The following RABGAP1 variants were observed in gnomAD, a reference collection of about 807,000 sequenced individuals.
RABGAP1 encodes the protein rab GTPase-activating protein 1.
In RABGAP1, 23 loss-of-function variants were observed where a neutral mutation model predicts 137.6. That is an observed-to-expected ratio of 0.17 (90% confidence interval 0.12 to 0.24). The LOEUF (loss-of-function observed/expected upper bound fraction) is 0.24, where lower values mean the gene tolerates loss of function less well. Among genes scored for constraint, RABGAP1 ranks in the 10% least tolerant of loss-of-function variants. The probability of loss-of-function intolerance (pLI) is 1.00; values close to 1 mark genes in which losing one functional copy is unlikely to be tolerated. For missense variants in RABGAP1, 906 were observed against 1,275.8 expected (o/e 0.71, Z 4.42); for synonymous variants, 451 against 450.7 (o/e 1.00, Z -0.01).
At chr9:122,938,817 A>C (rs1333121154), upstream of RABGAP1, 1 of 152,248 alleles carries the variant, frequency 6.6e-6, no homozygotes, top group Non-Finnish European at 1.5e-5. Context: ...TTCAAATATA[A>C]CTTTCTTGTT....
chr9:123,033,889 A>G (rs1482806714), intron 13 of RABGAP1: 1 of 152,242 alleles, frequency 6.6e-6, no homozygotes, highest in East Asian at 1.9e-4. Flanking sequence ...CCTAAATATT[A>G]TAAGCAAATT....
At chr9:123,052,407 T>C (rs1257401948) in intron 13 of RABGAP1, among the ~76,000 whole-genome samples, 2 of 152,246 alleles carry the variant, frequency 1.3e-5, no homozygotes, top group African/African-American at 4.8e-5. Flanking sequence ...AGAAAATTTC[T>C]TTTAGATCTT....
chr9:122,955,112 T>G (rs1376351730), intron 1 of RABGAP1, among the ~76,000 whole-genome samples: 2 of 152,126 alleles, frequency 1.3e-5, no homozygotes. Context: ...TTGGAGTTGA[T>G]CAAGTACAAA....
chr9:122,961,495 G>C (rs1050886024), intron 2 of RABGAP1, among the ~76,000 whole-genome samples: 3 of 152,226 alleles, frequency 2.0e-5, no homozygotes, highest in African/African-American at 7.2e-5. Flanking sequence ...AGAATTTGCT[G>C]TTGGCAGACC....
At chr9:122,988,243 A>G (rs191058704) in intron 4 of RABGAP1, among the ~76,000 whole-genome samples, 2 of 152,318 alleles carry the variant, frequency 1.3e-5, no homozygotes, top group East Asian at 1.9e-4. Context: ...AGTGCTTTCA[A>G]ACCTGTGTTA....
At chr9:123,054,133 C>T (rs1274889344) in intron 13 of RABGAP1, among the ~76,000 whole-genome samples, 1 of 152,144 alleles carries the variant, frequency 6.6e-6, no homozygotes, top group African/African-American at 2.4e-5. Flanking sequence ...TTAGGAGAGC[C>T]TTCAAATTTA....
chr9:123,019,686 T>TTTTG (rs34983095), intron 12 of RABGAP1, among the ~76,000 whole-genome samples: 112,330 of 150,028 alleles, frequency 0.75, 44,021 homozygotes, highest in Non-Finnish European at 0.88. Context: ...TTTGCTCTTT[T>TTTTG]TTTGTTTGTT....
rs772129752 is a variant in RABGAP1, at chr9:123,035,565, C to T, written c.1794+15106C>T. On this transcript the variant is annotated intron_variant, in intron 13 of 25. Coordinates refer to ENST00000373647, the MANE Select transcript of RABGAP1 (RefSeq NM_012197.4). ...CTTGTGCAAGTCAGACTACAGCCAA[C>T]GACCCTTACACAGTTAGAAGCAAAG... is the stretch of plus-strand genomic sequence containing the variant. 71 of 1,611,974 alleles carry T rather than the reference C, an allele frequency of 4.4e-5. No individual in the cohort carries two copies. In the East Asian group the frequency reaches 8.9e-4, roughly 20 times the overall value.
At chr9:122,987,497 C>A (rs753200812) in intron 4 of RABGAP1, among the ~76,000 whole-genome samples, 1 of 151,974 alleles carries the variant, frequency 6.6e-6, no homozygotes, top group Non-Finnish European at 1.5e-5. Context: ...TAATTTACAA[C>A]TGTTAGAATC....
chr9:123,021,330 CT>C lies in RABGAP1; in HGVS notation c.1794+890del, dbSNP rs397944903. On this transcript the variant is annotated intron_variant, in intron 13 of 25. Transcript: ENST00000373647. Reference sequence around the variant, plus strand: ...AAAAACCTTATAAGGGAAGAGCAGGCTTTTTTTTTTTTTTTTTTTGAAATAG... The same window carrying C: ...AAAAACCTTATAAGGGAAGAGCAGGCTTTTTTTTTTTTTTTTTTGAAATAG... 1.9e-3 allele frequency among the ~76,000 whole-genome samples: 218 copies of C among 111,932 alleles called. 2 individuals carry two copies. Among genetic ancestry groups the C allele is most frequent in the East Asian group, 6.1e-3 (24 of 3,948 alleles). 73.4% of individuals were successfully genotyped at this position (111,932 alleles called of 152,430 possible).
chr9:122,938,957 G>A (rs1369401730), upstream of RABGAP1: 1 of 151,988 alleles, frequency 6.6e-6, no homozygotes, highest in Non-Finnish European at 1.5e-5. Context: ...TTTTTTTTAA[G>A]TGCCATAATT....
rs1836594824 is a variant in RABGAP1 at position 122,990,132 on chromosome 9, C to T, written c.842C>T (p.Ala281Val). 1.9e-6 allele frequency: 3 copies of T among 1,610,838 alleles called. No homozygotes were observed. Among genetic ancestry groups the T allele is most frequent in the Non-Finnish European group, 2.5e-6 (3 of 1,177,020 alleles). ...CAGACCCCACTTTCAGCCACTGCTG[C>T]ACCCCAGACTCCTGACAGTGACATC... Reference protein sequence around the residue: ...AKQTPLSATAAPQTPDSDIFT... With the variant: ...AKQTPLSATAVPQTPDSDIFT... The change falls in exon 6 of 26, where the codon GCA becomes GTA. Residue 281 changes from alanine to valine, a missense_variant. Ala to Val is a moderately conservative substitution (Grantham distance 64). This residue lies in a region of RABGAP1 where 331 missense variants were observed against 358.3 expected (regional missense o/e 0.92). Transcript: ENST00000373647.
intron 13 of RABGAP1, among the ~76,000 whole-genome samples, chr9:123,026,959 C>T (rs1449985285): frequency 6.6e-6 from 1 of 152,092 alleles, no homozygotes; most frequent in Non-Finnish European, 1.5e-5. Flanking sequence ...TCCTTCCATC[C>T]ACTTGGCCTT....
At chr9:122,971,760 T>A (rs1835483553) in intron 2 of RABGAP1, 1 of 152,104 alleles carries the variant, frequency 6.6e-6, no homozygotes, top group Admixed American at 6.5e-5. Flanking sequence ...TCTGAAGAAA[T>A]TATCCAGAAG....
chr9:122,986,490 A>G (rs772742726), intron 4 of RABGAP1, 71 bp downstream of exon 4: 58 of 1,461,848 alleles, frequency 4.0e-5, no homozygotes, highest in Admixed American at 1.1e-4. Flanking sequence ...GAAAGAAGCA[A>G]TAGTGAATAA....
intron 1 of RABGAP1, among the ~76,000 whole-genome samples, chr9:122,950,639 G>A (rs1834195511): frequency 6.6e-6 from 1 of 152,172 alleles, no homozygotes; most frequent in African/African-American, 2.4e-5. Flanking sequence ...CTGTAAGCCT[G>A]TCAAAGGTAA....
At chr9:122,991,809 T>C (rs1836739210) in intron 6 of RABGAP1, among the ~76,000 whole-genome samples, 1 of 151,886 alleles carries the variant, frequency 6.6e-6, no homozygotes, top group African/African-American at 2.4e-5. Flanking sequence ...TCTTGCCACA[T>C]TGCCCAGGTT....
intron 6 of RABGAP1, among the ~76,000 whole-genome samples, chr9:122,992,979 T>C (rs956163000): frequency 2.6e-5 from 4 of 151,672 alleles, no homozygotes; most frequent in Non-Finnish European, 4.4e-5. Context: ...TTCTGTAATA[T>C]GTATGGAAAT....
intron 10 of RABGAP1, among the ~76,000 whole-genome samples, chr9:123,005,380 G>A (rs1262747071): frequency 6.7e-6 from 1 of 149,680 alleles, no homozygotes; most frequent in Non-Finnish European, 1.5e-5. Flanking sequence ...GCTTCCATTT[G>A]TATCTCCTTA....
Sources: gnomAD v4.1 joint callset for allele counts (sites outside exome capture counted in the v4.1 genomes callset) on GRCh38, gnomAD v4.1.1 for gene constraint, gnomAD v4.1.1 regional missense constraint, MANE v1.5 for transcripts, NCBI Gene and HGNC (gene_info 2026-07-23, HGNC 2026-07-21) for gene names.